CREM: variants seen among roughly 807,000 people sequenced by gnomAD.
CREM encodes the protein cAMP responsive element modulator.
A neutral mutation model predicts 37.3 loss-of-function variants in CREM; 13 were observed. That is an observed-to-expected ratio of 0.35 (90% CI 0.23 to 0.55). The LOEUF (loss-of-function observed/expected upper bound fraction) is 0.55. Among genes scored for constraint, CREM ranks in the 20% least tolerant of loss-of-function variants. The probability of loss-of-function intolerance (pLI) is 0.88; values close to 1 mark genes in which losing one functional copy is unlikely to be tolerated. For missense variants in CREM, 296 were observed against 362.3 expected (o/e 0.82, Z 1.49); for synonymous variants, 124 against 120.2 (o/e 1.03, Z -0.21).
chr10:35,147,040 G>GT (rs1564813065), intron 2 of CREM, among the ~76,000 whole-genome samples: 3 of 134,910 alleles, frequency 2.2e-5, no homozygotes, highest in East Asian at 2.2e-4. Flanking sequence ...AAGTTTTTTG[G>GT]GTTTTTTTTT....
Position 35,188,377 on chromosome 10 carries a change from T to C in CREM, c.587T>C (p.Val196Ala). Residue 196 changes from valine (V) to alanine (A), a missense_variant, in exon 6 of 8, where the codon GTT becomes GCT. Physicochemically the swap from Val to Ala is moderately conservative, Grantham distance 64. Transcript: ENST00000685392. ...TQQFFVPGSQ[V>A]VVQAATGDMP... ...CAGTTCTTTGTCCCAGGCAGCCAGG[T>C]TGTTGTTCAAGGTATATTTTATTAA... 6.2e-7 allele frequency: 1 copy of C among 1,612,034 alleles called. No individual in the cohort carries two copies. Among genetic ancestry groups the C allele is most frequent in the Non-Finnish European group, 8.5e-7 (1 of 1,179,096 alleles).
chr10:35,163,917 G>A (rs59166357), intron 3 of CREM, among the ~76,000 whole-genome samples: 4,501 of 151,218 alleles, frequency 0.03, 224 homozygotes, highest in African/African-American at 0.1. Flanking sequence ...TGGGAGGATC[G>A]CTTGAGCCTG....
At chr10:35,171,864 A>G (rs1260859468) in intron 3 of CREM, among the ~76,000 whole-genome samples, 1 of 152,256 alleles carries the variant, frequency 6.6e-6, no homozygotes, top group Non-Finnish European at 1.5e-5. Flanking sequence ...AGAAAATGTA[A>G]TATCTTCAGA....
rs144439472 is a variant in CREM, at chr10:35,199,671, G to A, written c.599-7224G>A. On this transcript the variant is annotated intron_variant, in intron 6 of 7. Coordinates refer to ENST00000685392, the MANE Select transcript of CREM (RefSeq NM_183011.2). ...CCCAACTACACCCAGGTCAGACTGG[G>A]TAAATGACTTCCAAGTTTACAAAGC... Among the ~76,000 whole-genome samples the A allele has an allele frequency of 7.2e-5, 11 of 152,160 alleles. No individual in the cohort carries two copies. In the East Asian group the frequency reaches 2.1e-3, roughly 29 times the overall value.
chr10:35,197,753 G>T (rs2095253077), intron 6 of CREM, among the ~76,000 whole-genome samples: 1 of 152,144 alleles, frequency 6.6e-6, no homozygotes, highest in South Asian at 2.1e-4. Context: ...CACCGCGCTC[G>T]GCCTCATTTT....
At chr10:35,158,304 C>T (rs1253441699) in intron 3 of CREM, 2 of 165,504 alleles carry the variant, frequency 1.2e-5, no homozygotes, top group Admixed American at 6.5e-5. Context: ...GGAACCACTG[C>T]CATGGCCAGT....
intron 1 of CREM, among the ~76,000 whole-genome samples, 153 bp from the exon 2 acceptor site, chr10:35,137,629 G>C (rs562804024): frequency 6.6e-6 from 1 of 151,882 alleles, no homozygotes; most frequent in African/African-American, 2.4e-5. Context: ...TTTTTTGGTG[G>C]GGGGGAGTTA....
At chr10:35,153,979 A>G (rs1006879239) in intron 3 of CREM, 1 of 396,910 alleles carries the variant, frequency 2.5e-6, no homozygotes. Flanking sequence ...TGTTAACCCT[A>G]TGATGTTTGC....
chr10:35,157,157 C>T (rs888060585), intron 3 of CREM, among the ~76,000 whole-genome samples: 13 of 152,258 alleles, frequency 8.5e-5, no homozygotes, highest in African/African-American at 3.1e-4. Flanking sequence ...ATCATCATCT[C>T]AATACATGCA....
intron 6 of CREM, chr10:35,195,096 C>T (rs2095094662): frequency 7.5e-7 from 1 of 1,337,384 alleles, no homozygotes; most frequent in Non-Finnish European, 1.1e-6. Context: ...GATGTCAGTC[C>T]TCCTGCTTAT....
chr10:35,174,163 C>T lies in CREM; in HGVS notation c.169-4726C>T, dbSNP rs1277940879. On this transcript the variant is annotated intron_variant, in intron 3 of 7. Coordinates refer to ENST00000685392, the MANE Select transcript of CREM (RefSeq NM_183011.2). ...ATTGGTTGCCTCTGTCCTGGTTTCA[C>T]ACTATCTGTCCAACTGTTATCTAGG... Among the ~76,000 whole-genome samples the T allele has an allele frequency of 3.9e-5, 6 of 152,328 alleles. No individual in the cohort carries two copies. In the East Asian group the frequency reaches 9.6e-4, roughly 24 times the overall value.
intron 6 of CREM, among the ~76,000 whole-genome samples, chr10:35,203,091 G>T (rs567813684): frequency 6.6e-6 from 1 of 151,124 alleles, no homozygotes; most frequent in South Asian, 2.1e-4. Context: ...GTCTTACTCT[G>T]TCGCTCAGGC....
intron 3 of CREM, among the ~76,000 whole-genome samples, chr10:35,168,629 T>G (rs990353045): frequency 1.3e-5 from 2 of 152,226 alleles, no homozygotes; most frequent in Non-Finnish European, 1.5e-5. Context: ...AATTTTGGCT[T>G]TGTTGCCATT....
intron 6 of CREM, among the ~76,000 whole-genome samples, chr10:35,198,047 T>C (rs2095265437): frequency 6.6e-6 from 1 of 152,184 alleles, no homozygotes; most frequent in African/African-American, 2.4e-5. Context: ...CATAATTCCT[T>C]TTCTGTCCTT....
intron 6 of CREM, 101 bp from the exon 7 acceptor site, chr10:35,206,794 C>T: frequency 9.2e-7 from 1 of 1,088,150 alleles, no homozygotes; most frequent in Non-Finnish European, 1.4e-6. Flanking sequence ...AAGATCACCT[C>T]TTATGAGATG....
intron 5 of CREM, among the ~76,000 whole-genome samples, 188 bp from the exon 6 acceptor site, chr10:35,188,012 T>G (rs935711926): frequency 6.6e-6 from 1 of 152,226 alleles, no homozygotes; most frequent in Admixed American, 6.5e-5. Flanking sequence ...TTTCAAGTGT[T>G]TATAAGCTTT....
At chr10:35,208,990 G>A (rs921493186) in intron 7 of CREM, among the ~76,000 whole-genome samples, 1 of 152,114 alleles carries the variant, frequency 6.6e-6, no homozygotes, top group Admixed American at 6.5e-5. Flanking sequence ...TGATTATTAT[G>A]CCCAGTTTAC....
At chr10:35,209,283 A>G (rs1357370850) in intron 7 of CREM, 11 of 984,786 alleles carry the variant, frequency 1.1e-5, no homozygotes, top group Non-Finnish European at 1.3e-5. Context: ...ATTTCTGCCA[A>G]TCCAGCAACA....
chr10:35,209,482 G>A (rs1002473081), intron 7 of CREM: 1 of 484,006 alleles, frequency 2.1e-6, no homozygotes, highest in Admixed American at 6.4e-5. Context: ...GGAAAGCTTT[G>A]TGCCTGCAAC....
Sources: gnomAD v4.1 joint callset for allele counts (sites outside exome capture counted in the v4.1 genomes callset) on GRCh38, gnomAD v4.1.1 for gene constraint, MANE v1.5 for transcripts, NCBI Gene and HGNC (gene_info 2026-07-23, HGNC 2026-07-21) for gene names.